S100A8: variants seen among roughly 807,000 people sequenced by gnomAD.
S100A8 encodes the protein protein S100-A8.
In S100A8, 1 loss-of-function variant was observed where a neutral mutation model predicts 4.2. That is an observed-to-expected ratio of 0.24 (90% confidence interval 0.08 to 1.12). S100A8 has a LOEUF of 1.12. S100A8 is among the 50% of genes most tolerant of loss of function. The probability of loss-of-function intolerance (pLI) is 0.53; values close to 1 mark genes in which losing one functional copy is unlikely to be tolerated. For missense variants in S100A8, 96 were observed against 111.8 expected (o/e 0.86, Z 0.64); for synonymous variants, 41 against 44.7 (o/e 0.92, Z 0.33).
chr1:153,410,295 G>T, the S100A8 span, among the ~76,000 whole-genome samples: 55 of 152,060 alleles, frequency 3.6e-4, no homozygotes, highest in African/African-American at 1.2e-3. Flanking sequence ...TGACAAAGGG[G>T]ATATCACCAC....
chr1:153,413,485 C>G, the S100A8 span, among the ~76,000 whole-genome samples: 8 of 152,212 alleles, frequency 5.3e-5, no homozygotes, highest in African/African-American at 1.9e-4. Context: ...TATCTGACGA[C>G]TCTGTTGAGT....
chr1:153,394,546 C>T (rs1259171479), upstream of S100A8, among the ~76,000 whole-genome samples: 2 of 152,106 alleles, frequency 1.3e-5, no homozygotes, highest in Admixed American at 6.5e-5. Context: ...CCTGTCTCGG[C>T]GGAGAGTACA....
chr1:153,416,254 T>G, the S100A8 span, among the ~76,000 whole-genome samples: 3 of 152,180 alleles, frequency 2.0e-5, no homozygotes, highest in African/African-American at 7.2e-5. Flanking sequence ...TCCCATTTCC[T>G]GACCTGTTAC....
chr1:153,401,142 C>T, the S100A8 span, among the ~76,000 whole-genome samples: 4 of 152,220 alleles, frequency 2.6e-5, no homozygotes, highest in Non-Finnish European at 4.4e-5. Context: ...ATCTCACATG[C>T]TTAATCAATG....
At chr1:153,415,176 G>A in the S100A8 span, among the ~76,000 whole-genome samples, 1 of 150,948 alleles carries the variant, frequency 6.6e-6, no homozygotes, top group Admixed American at 6.6e-5. Context: ...GTGTGTTTGT[G>A]TGTGTGTGCG....
the S100A8 span, among the ~76,000 whole-genome samples, chr1:153,403,671 C>A: frequency 2.6e-5 from 4 of 152,090 alleles, no homozygotes; most frequent in African/African-American, 9.7e-5. Context: ...TAAAACATCT[C>A]CCCAGTTCTT....
chr1:153,390,333 G>A lies in S100A8; in HGVS notation c.141+62C>T, dbSNP rs547659803. 163 of 1,602,092 alleles carry A rather than the reference G, an allele frequency of 1.0e-4. 1 individual carries two copies. In the South Asian group the frequency reaches 1.1e-3, roughly 11 times the overall value. On this transcript the variant is annotated intron_variant, in intron 2 of 2. Transcript: ENST00000368733. ...TCTATGAAGGGTGGCAGGGAGGACC[G>A]CTGGCCCAGGGCAGCCCCAGGACCA...
At chr1:153,397,616 G>T in the S100A8 span, among the ~76,000 whole-genome samples, 1 of 152,156 alleles carries the variant, frequency 6.6e-6, no homozygotes, top group Non-Finnish European at 1.5e-5. Flanking sequence ...GGCGGGTGAG[G>T]CAGCTTTCAG....
At chr1:153,403,841 G>A in the S100A8 span, among the ~76,000 whole-genome samples, 2 of 151,952 alleles carry the variant, frequency 1.3e-5, no homozygotes, top group Admixed American at 6.6e-5. Flanking sequence ...CACCATCGGG[G>A]TATCGTGCAA....
At chr1:153,411,531 A>G in the S100A8 span, among the ~76,000 whole-genome samples, 1 of 152,178 alleles carries the variant, frequency 6.6e-6, no homozygotes, top group Non-Finnish European at 1.5e-5. Flanking sequence ...GGAAGAATCA[A>G]TATTGTGAAA....
At chr1:153,391,997 C>T (rs1438071644), upstream of S100A8, among the ~76,000 whole-genome samples, 1 of 152,134 alleles carries the variant, frequency 6.6e-6, no homozygotes, top group African/African-American at 2.4e-5. Flanking sequence ...AAATCCTCTC[C>T]CCACCACTAA....
the S100A8 span, among the ~76,000 whole-genome samples, chr1:153,410,273 C>T: frequency 2.0e-5 from 3 of 151,918 alleles, no homozygotes; most frequent in Non-Finnish European, 2.9e-5. Context: ...ATCAAATAGA[C>T]GCAATAAAAA....
chr1:153,400,987 A>AT, the S100A8 span, among the ~76,000 whole-genome samples: 1 of 152,114 alleles, frequency 6.6e-6, no homozygotes, highest in African/African-American at 2.4e-5. Context: ...ATGGCTGGGG[A>AT]TGGGGGGCAG....
At chr1:153,399,257 C>T in the S100A8 span, among the ~76,000 whole-genome samples, 73 of 152,356 alleles carry the variant, frequency 4.8e-4, 1 homozygote, top group African/African-American at 1.7e-3. Flanking sequence ...TGATGCTTCA[C>T]AGGTCCTTCA....
chr1:153,410,705 C>G, the S100A8 span, among the ~76,000 whole-genome samples: 1 of 152,208 alleles, frequency 6.6e-6, no homozygotes, highest in Non-Finnish European at 1.5e-5. Context: ...ACCAATATCC[C>G]TGATGAATAT....
the S100A8 span, chr1:153,418,150 G>T: frequency 1.2e-6 from 2 of 1,614,040 alleles, no homozygotes; most frequent in Non-Finnish European, 1.7e-6. Flanking sequence ...TACACCGGAC[G>T]TGATGGCAAG....
rs752200534 is a variant in S100A8 at position 153,390,062 on chromosome 1, G to T, written c.*41C>A. ...TATTGATGACTTTATTATTCTGCAGGTACATGTCCAGGGGCCCAGCCTCTG... is the reference window on the plus strand; with the variant it reads ...TATTGATGACTTTATTATTCTGCAGTTACATGTCCAGGGGCCCAGCCTCTG... On this transcript the variant is annotated 3_prime_UTR_variant, in exon 3 of 3. Coordinates refer to ENST00000368733, the MANE Select transcript of S100A8 (RefSeq NM_002964.5). The T allele has an allele frequency of 7.0e-6, 11 of 1,563,382 alleles. No homozygotes were observed. The highest frequency in any genetic ancestry group is 3.4e-5 in the South Asian group (3 of 87,334).
At chr1:153,407,429 C>T in the S100A8 span, among the ~76,000 whole-genome samples, 11 of 152,286 alleles carry the variant, frequency 7.2e-5, no homozygotes, top group South Asian at 2.1e-4. Context: ...GCAGGGTGCC[C>T]GCCATTTCTG....
At chr1:153,410,835 C>A in the S100A8 span, among the ~76,000 whole-genome samples, 1 of 152,094 alleles carries the variant, frequency 6.6e-6, no homozygotes, top group African/African-American at 2.4e-5. Flanking sequence ...ATACGCAAAT[C>A]ATTAAATGTA....
Sources: allele counts gnomAD v4.1 joint callset (sites outside exome capture counted in the v4.1 genomes callset), GRCh38; gene constraint gnomAD v4.1.1; transcripts MANE v1.5; gene names NCBI Gene and HGNC (gene_info 2026-07-23, HGNC 2026-07-21).